Variants in PNPLA7 observed in about 807,000 individuals in gnomAD.
PNPLA7 encodes patatin like domain 7, lysophospholipase, also known as patatin-like phospholipase domain-containing protein 7.
A neutral mutation model predicts 161.7 loss-of-function variants in PNPLA7; 153 were observed. The ratio of observed to expected loss-of-function variants is 0.95; its 90% CI spans 0.83 to 1.08. The LOEUF is 1.08. Ranked by LOEUF, PNPLA7 falls within the 50% of genes least tolerant of loss-of-function variation. The pLI, the probability that PNPLA7 is intolerant of heterozygous loss-of-function variation, is 0.00. For synonymous variants in PNPLA7, 809 were observed against 782.1 expected (o/e 1.03, Z -0.57); for missense variants, 1,739 against 1,856.6 (o/e 0.94, Z 1.16).
intron 10 of PNPLA7, among the ~76,000 whole-genome samples, chr9:137,521,234 C>T (rs1230196725): frequency 6.6e-6 from 1 of 152,156 alleles, no homozygotes; most frequent in Non-Finnish European, 1.5e-5. Flanking sequence ...CTGCCGATGT[C>T]CTACAGAACA....
chr9:137,500,761 G>A lies in PNPLA7; in HGVS notation c.1687C>T (p.Pro563Ser). ...VGQLAVLTGEPLIFTVKANRD... is the reference protein window; with the variant it reads ...VGQLAVLTGESLIFTVKANRD... Reference sequence around the variant, plus strand: ...TTGGCCTTGACGGTGAAGATGAGAGGCTCCCCGGTGAGCACGGCCAGCTGG... The same window carrying A: ...TTGGCCTTGACGGTGAAGATGAGAGACTCCCCGGTGAGCACGGCCAGCTGG... Residue 563 changes from proline (P) to serine (S), a missense_variant, in exon 16 of 35, where the codon CCT becomes TCT. By Grantham distance (74) the Pro-to-Ser change is moderately conservative. This residue lies in a region of PNPLA7 where 481 missense variants were observed against 450.0 expected (regional missense o/e 1.07). Transcript: ENST00000406427. This position sits in a 1 kb window ranked among gnomAD's most constrained non-coding sequence, Gnocchi z 5.5. 1 of 1,612,372 alleles carries A rather than the reference G, an allele frequency of 6.2e-7. No homozygotes were observed. The highest frequency in any genetic ancestry group is 8.5e-7 in the Non-Finnish European group (1 of 1,179,866).
At chr9:137,471,523 G>A (rs925648287) in intron 25 of PNPLA7, among the ~76,000 whole-genome samples, 3 of 151,262 alleles carry the variant, frequency 2.0e-5, no homozygotes, top group Admixed American at 1.3e-4. Flanking sequence ...GCTTGAACCC[G>A]GGAGGTGGAA....
chr9:137,461,179 T>C, intron 33 of PNPLA7: 2 of 332,614 alleles, frequency 6.0e-6, no homozygotes, highest in Non-Finnish European at 1.1e-5. Flanking sequence ...GCATGGAGGG[T>C]AGTGGACCCG....
rs1588616538 is a variant in PNPLA7, at chr9:137,501,662, C to A, written c.1539G>T (p.Arg513Ser). The change falls in exon 15 of 35, where the codon AGG (arginine) becomes AGT (serine). Residue 513 changes from arginine (R) to serine (S), a missense_variant. By Grantham distance (110) the Arg-to-Ser change is moderately radical. This residue lies in a region of PNPLA7 where 481 missense variants were observed against 450.0 expected (regional missense o/e 1.07). Coordinates refer to ENST00000406427, the MANE Select transcript of PNPLA7 (RefSeq NM_001098537.3). ...GACCCCCGCTCACCTGGTCTCCCTG[C>A]CTTGACACCACCGTGCCTGCAGGAA... is the stretch of plus-strand genomic sequence containing the variant. Reference protein sequence around the residue: ...LHVPAGTVVSRQGDQDASILF... With the variant: ...LHVPAGTVVSSQGDQDASILF... 1.5e-5 allele frequency: 24 copies of A among 1,612,408 alleles called. No individual in the cohort carries two copies. The East Asian group carries it at 4.9e-4, about 33-fold the overall frequency.
chr9:137,502,737 C>CGGGGGGGACGGGGGGGACGCGGGGGAT (rs1554767775), intron 14 of PNPLA7, among the ~76,000 whole-genome samples: 1 of 62,904 alleles, frequency 1.6e-5, no homozygotes, highest in African/African-American at 5.9e-5. Flanking sequence ...ACGGGGGGGA[C>CGGGGGGGACGGGGGGGACGCGGGGGAT]GAGAGGGATG....
rs1832701588 is a variant in PNPLA7 at position 137,490,277 on chromosome 9, C to G, written c.2197+2736G>C. ...CCTGGATCATTTTTCAAATTTTATT[C>G]ATAGAGACAGGGTCTCACTATGTTG... On this transcript the variant is annotated intron_variant, in intron 20 of 34. Coordinates refer to ENST00000406427, the MANE Select transcript of PNPLA7 (RefSeq NM_001098537.3). This position sits in a 1 kb window ranked among gnomAD's most constrained non-coding sequence, Gnocchi z 4.1. Among the ~76,000 whole-genome samples the G allele has an allele frequency of 6.6e-6, 1 of 152,110 alleles. No homozygotes were observed. Among genetic ancestry groups the G allele is most frequent in the African/African-American group, 2.4e-5 (1 of 41,414 alleles).
chr9:137,477,961 C>T (rs959893187), intron 25 of PNPLA7, 73 bp downstream of exon 25: 3 of 1,197,606 alleles, frequency 2.5e-6, no homozygotes, highest in Admixed American at 8.4e-5. Context: ...GCACCCAGCA[C>T]CTCCTAGCAC....
intron 19 of PNPLA7, among the ~76,000 whole-genome samples, chr9:137,494,792 C>A (rs1490151644): frequency 6.7e-6 from 1 of 150,302 alleles, no homozygotes; most frequent in Non-Finnish European, 1.5e-5. Flanking sequence ...CCACTCCGCA[C>A]CCTCACCTGC....
intron 20 of PNPLA7, among the ~76,000 whole-genome samples, chr9:137,487,151 C>T (rs957778602): frequency 1.3e-5 from 2 of 152,248 alleles, no homozygotes; most frequent in Admixed American, 6.5e-5. Flanking sequence ...CAGGGATGGA[C>T]GGTTGCGTGC....
intron 8 of PNPLA7, among the ~76,000 whole-genome samples, chr9:137,529,656 G>GTTTTTTTT (rs542511786): frequency 2.5e-5 from 3 of 119,134 alleles, no homozygotes; most frequent in Non-Finnish European, 5.2e-5. Flanking sequence ...TTGAATCTTT[G>GTTTTTTTT]TTTTTTTTTT....
In PNPLA7 at chr9:137,460,087, C is replaced by T; in HGVS notation, c.*306G>A. 9.2e-6 allele frequency: 3 copies of T among 325,888 alleles called. No homozygotes were observed. Among genetic ancestry groups the T allele is most frequent in the Non-Finnish European group, 1.8e-5 (3 of 168,172 alleles). The allele number at this position is 325,888 out of a possible 1,614,324, so 20.2% of individuals were successfully genotyped here. The stretch of plus-strand genomic sequence containing the variant: ...GGGCCTCACAGGGCAGCAGGTGGTT[C>T]ACAGGGCTTCGGGGGGCCTCACAGG... On this transcript the variant is annotated 3_prime_UTR_variant, in exon 35 of 35. Coordinates refer to ENST00000406427, the MANE Select transcript of PNPLA7 (RefSeq NM_001098537.3).
intron 8 of PNPLA7, among the ~76,000 whole-genome samples, chr9:137,528,582 G>A (rs1201794384): frequency 2.1e-5 from 3 of 141,476 alleles, no homozygotes; most frequent in East Asian, 2.3e-4. Context: ...GCGCCTGGCC[G>A]TGTTGTCCAT....
In PNPLA7 at chr9:137,500,555, G is replaced by A. The variant is rs1038477838; in HGVS notation, c.1757+136C>T. 31 of 824,372 alleles carry A rather than the reference G, an allele frequency of 3.8e-5. No individual in the cohort carries two copies. Among genetic ancestry groups the A allele is most frequent in the Admixed American group, 2.9e-4 (11 of 38,298 alleles). 51.1% of individuals were successfully genotyped at this position (824,372 alleles called of 1,614,324 possible). On this transcript the variant is annotated intron_variant, in intron 16 of 34. Coordinates refer to ENST00000406427, the MANE Select transcript of PNPLA7 (RefSeq NM_001098537.3). This position sits in a 1 kb window ranked among gnomAD's most constrained non-coding sequence, Gnocchi z 5.5. ...GGGGCACAGACCTGGGCCCACACAG[G>A]TGCCGGGGACAAAGAGGGGAGCCCG...
chr9:137,484,929 G>A (rs1319318238), intron 20 of PNPLA7, among the ~76,000 whole-genome samples, 193 bp from the exon 21 acceptor site: 1 of 152,040 alleles, frequency 6.6e-6, no homozygotes, highest in East Asian at 1.9e-4. Context: ...TGGACCTCGC[G>A]CCTCCCCAGT....
At chr9:137,489,256 C>T (rs1296052940) in intron 20 of PNPLA7, among the ~76,000 whole-genome samples, 1 of 152,242 alleles carries the variant, frequency 6.6e-6, no homozygotes, top group Non-Finnish European at 1.5e-5. Context: ...GCAGCCTTCA[C>T]ACTGGGCCTG....
chr9:137,520,149 G>T lies in PNPLA7; in HGVS notation c.958-106C>A. On this transcript the variant is annotated intron_variant, in intron 10 of 34. Transcript: ENST00000406427. The surrounding 1 kb of genome is among the most constrained non-coding windows in gnomAD (Gnocchi z 5.2). Reference sequence around the variant, plus strand: ...ACAGGTGTGGGCTCCTCAAAGGTGTGACAGGTGTGGGCCCCTCAAAGGTGT... The same window carrying T: ...ACAGGTGTGGGCTCCTCAAAGGTGTTACAGGTGTGGGCCCCTCAAAGGTGT... 6.7e-7 allele frequency: 1 copy of T among 1,499,006 alleles called. No individual in the cohort carries two copies. Among genetic ancestry groups the T allele is most frequent in the Non-Finnish European group, 9.0e-7 (1 of 1,110,094 alleles). 92.9% of individuals were successfully genotyped at this position (1,499,006 alleles called of 1,614,324 possible).
rs147909000 is a variant in PNPLA7, at chr9:137,501,559, G to C, written c.1551+91C>G. 887 of 1,252,438 alleles carry C rather than the reference G, an allele frequency of 7.1e-4. 8 individuals carry two copies. The East Asian group carries it at 0.02, about 28-fold the overall frequency. 77.6% of individuals were successfully genotyped at this position (1,252,438 alleles called of 1,614,324 possible). A position where few individuals can be genotyped will look rare whatever the true frequency, so the allele number is the denominator to read the frequency against. The stretch of plus-strand genomic sequence containing the variant: ...GGTGCTGGGAGGTCCCCAGTCACTG[G>C]TGTCCAGTCCAGGCCCTCCTCTGGT... On this transcript the variant is annotated intron_variant, in intron 15 of 34. Transcript: ENST00000406427.
At chr9:137,475,996 A>G (rs950230282) in intron 25 of PNPLA7, among the ~76,000 whole-genome samples, 4 of 152,228 alleles carry the variant, frequency 2.6e-5, no homozygotes, top group Non-Finnish European at 5.9e-5. Flanking sequence ...ACCAATAAAG[A>G]AGACATGAAA....
At chr9:137,466,572 G>C (rs1291239765) in intron 26 of PNPLA7, among the ~76,000 whole-genome samples, 1 of 147,728 alleles carries the variant, frequency 6.8e-6, no homozygotes, top group African/African-American at 2.5e-5. Context: ...GCACGGATCA[G>C]ACCACTTCCC....
Sources: gnomAD v4.1 joint callset for allele counts (sites outside exome capture counted in the v4.1 genomes callset) on GRCh38, gnomAD v4.1.1 for gene constraint, gnomAD v4.1.1 regional missense constraint, Gnocchi (gnomAD v3.1) non-coding constraint, MANE v1.5 for transcripts, NCBI Gene and HGNC (gene_info 2026-07-23, HGNC 2026-07-21) for gene names.